Variants in STMN1 observed in about 807,000 individuals in gnomAD.
The protein encoded by STMN1 is stathmin.
A neutral mutation model predicts 19.7 loss-of-function variants in STMN1; 3 were observed. The ratio of observed to expected loss-of-function variants is 0.15; its 90% CI spans 0.07 to 0.39. The LOEUF is 0.39. Among genes scored for constraint, STMN1 ranks in the 10% least tolerant of loss-of-function variants. The pLI, the probability that STMN1 is intolerant of heterozygous loss-of-function variation, is 1.00. For missense variants in STMN1, 99 were observed against 176.0 expected (o/e 0.56, Z 2.48); for synonymous variants, 59 against 58.9 (o/e 1.00, Z -0.01).
At position 25,903,592 on chromosome 1, in the gene STMN1, G is replaced by A. The variant is rs115693925; in HGVS notation, c.186+49C>T. 2.0e-3 allele frequency: 3,270 copies of A among 1,601,502 alleles called. 55 individuals are homozygous for A. The African/African-American group carries it at 0.04, about 19-fold the overall frequency. On this transcript the variant is annotated intron_variant, in intron 3 of 4. Transcript: ENST00000455785. ...CCTGTTATAGAAATAAAATTGATCT[G>A]CCCATTACATAAATTAATATCCTGC...
rs1444230192 is a variant in STMN1 at position 25,903,805 on chromosome 1, C to A, written c.22G>T (p.Val8Leu). The A allele has an allele frequency of 6.2e-7, 1 of 1,603,504 alleles. No homozygotes were observed. The change falls in exon 3 of 5, where the codon GTG (valine) becomes TTG (leucine). Residue 8 changes from valine to leucine, a missense_variant. This residue lies in a region of STMN1 where 37 missense variants were observed against 57.9 expected (regional missense o/e 0.64). Transcript: ENST00000455785. MASSDIQ[V>L]KELEKRASGQ... ...GAGGCACGCTTCTCCAGTTCTTTCA[C>A]CTGGATATCTAGAATTGATTATATT...
Position 25,904,732 on chromosome 1 carries a change from GA to G in STMN1, c.-57del. Reference sequence around the variant, plus strand: ...ATTCTGCACAATCAACTGGGATAAGGAAAGTCCTGAAAATGATTTTCAAAAA... The same window carrying G: ...ATTCTGCACAATCAACTGGGATAAGGAAGTCCTGAAAATGATTTTCAAAAA... On this transcript the variant is annotated 5_prime_UTR_variant, in exon 2 of 5. Coordinates refer to ENST00000455785, the MANE Select transcript of STMN1 (RefSeq NM_005563.4). The G allele has an allele frequency of 1.3e-6, 2 of 1,597,684 alleles. No homozygotes were observed. The highest frequency in any genetic ancestry group is 1.7e-6 in the Non-Finnish European group (2 of 1,174,842).
chr1:25,886,193 G>A (rs887410235), intron 4 of STMN1, among the ~76,000 whole-genome samples: 1 of 152,192 alleles, frequency 6.6e-6, no homozygotes, highest in Admixed American at 6.5e-5. Context: ...AAGGAGGTCA[G>A]GGTACTGGGC....
At chr1:25,899,028 A>G (rs956110920), downstream of STMN1, among the ~76,000 whole-genome samples, 1 of 152,162 alleles carries the variant, frequency 6.6e-6, no homozygotes, top group Admixed American at 6.5e-5. Flanking sequence ...GAAAAGCCAG[A>G]GCTTCTATTT....
At chr1:25,887,109 T>G (rs769987353) in intron 4 of STMN1, among the ~76,000 whole-genome samples, 4 of 152,166 alleles carry the variant, frequency 2.6e-5, no homozygotes, top group African/African-American at 7.2e-5. Flanking sequence ...GTGTGTCTTG[T>G]TCTGTGACTT....
intron 4 of STMN1, among the ~76,000 whole-genome samples, chr1:25,889,846 G>A (rs1209109261): frequency 6.6e-6 from 1 of 152,144 alleles, no homozygotes; most frequent in East Asian, 1.9e-4. Flanking sequence ...ACCTCATCCA[G>A]CCAAGAGGGC....
At position 25,904,702 on chromosome 1, in the gene STMN1, A is replaced by AGT; in HGVS notation, c.-28_-27dup. The AGT allele has an allele frequency of 1.2e-6, 2 of 1,613,032 alleles. No individual in the cohort carries two copies. Among genetic ancestry groups the AGT allele is most frequent in the South Asian group, 2.2e-5 (2 of 90,628 alleles). On this transcript the variant is annotated 5_prime_UTR_variant, in exon 2 of 5. Coordinates refer to ENST00000455785, the MANE Select transcript of STMN1 (RefSeq NM_005563.4). ...GGTGAATAGAAGACAAGCGACAGGCAGTGTATTCTGCACAATCAACTGGGA... is the reference window on the plus strand; with the variant it reads ...GGTGAATAGAAGACAAGCGACAGGCAGTGTGTATTCTGCACAATCAACTGGGA...
At chr1:25,894,808 G>A (rs2048804728) in intron 4 of STMN1, among the ~76,000 whole-genome samples, 1 of 152,192 alleles carries the variant, frequency 6.6e-6, no homozygotes, top group Admixed American at 6.5e-5. Flanking sequence ...CTGGCCTCAA[G>A]TGATCCTCCC....
At chr1:25,892,522 C>T in intron 4 of STMN1, 1 of 985,220 alleles carries the variant, frequency 1.0e-6, no homozygotes, top group African/African-American at 1.7e-5. Context: ...ACCTCAGATT[C>T]CTTCTTTAAA....
chr1:25,894,098 T>C (rs991441472), intron 4 of STMN1, among the ~76,000 whole-genome samples: 3 of 152,152 alleles, frequency 2.0e-5, no homozygotes, highest in African/African-American at 7.2e-5. Flanking sequence ...TGTATTTGTA[T>C]TGAATGGGTA....
chr1:25,890,985 C>T (rs2048769332), intron 4 of STMN1, among the ~76,000 whole-genome samples: 2 of 152,144 alleles, frequency 1.3e-5, no homozygotes, highest in Non-Finnish European at 2.9e-5. Context: ...TCAGTTTCCT[C>T]ATCTATAAAA....
intron 4 of STMN1, chr1:25,888,967 G>A: frequency 2.2e-6 from 1 of 460,576 alleles, no homozygotes. Flanking sequence ...TCCGCTTCTT[G>A]CCATGTCTTC....
At chr1:25,896,210 CCTTA>C (rs1208478992), downstream of STMN1, among the ~76,000 whole-genome samples, 2 of 152,170 alleles carry the variant, frequency 1.3e-5, no homozygotes, top group African/African-American at 2.4e-5. Flanking sequence ...GGTCCAGTTG[CCTTA>C]CTTCTCGCCT....
rs547710396 is a variant in STMN1, at chr1:25,901,743, C to T, written c.187-61G>A. ...AATGTATTCAGGCTGGGTGTGGTGG[C>T]TCACGCCTGTAATCCCAGCACTTTG... On this transcript the variant is annotated intron_variant, in intron 3 of 4. Coordinates refer to ENST00000455785, the MANE Select transcript of STMN1 (RefSeq NM_005563.4). The T allele has an allele frequency of 1.1e-5, 17 of 1,511,878 alleles. No homozygotes were observed. The South Asian group carries it at 2.0e-4, about 17-fold the overall frequency. 93.7% of individuals were successfully genotyped at this position (1,511,878 alleles called of 1,614,324 possible).
intron 2 of STMN1, 77 bp from the exon 3 acceptor site, chr1:25,903,890 C>G (rs558592820): frequency 3.5e-6 from 5 of 1,443,864 alleles, no homozygotes; most frequent in Non-Finnish European, 4.6e-6. Flanking sequence ...TTTTCTAAAA[C>G]CCAAATCAAT....
At chr1:25,893,317 G>C (rs2048792471) in intron 4 of STMN1, among the ~76,000 whole-genome samples, 1 of 152,160 alleles carries the variant, frequency 6.6e-6, no homozygotes, top group African/African-American at 2.4e-5. Flanking sequence ...GCTATACTTT[G>C]ATAGCACTGA....
In STMN1 at chr1:25,900,436, G is replaced by A. The variant is rs2048858379; in HGVS notation, c.*580C>T. On this transcript the variant is annotated 3_prime_UTR_variant, in exon 5 of 5. Transcript: ENST00000455785. The stretch of plus-strand genomic sequence containing the variant: ...AAACCACACTGGGGCAAGAAACGGG[G>A]CAGAGAACGTGCGGTCATTTGTGCG... 1 of 985,860 alleles carries A rather than the reference G, an allele frequency of 1.0e-6. No homozygotes were observed. The highest frequency in any genetic ancestry group is 1.2e-6 in the Non-Finnish European group (1 of 829,970). 61.1% of individuals were successfully genotyped at this position (985,860 alleles called of 1,614,324 possible).
At chr1:25,890,801 C>T (rs2048767333) in intron 4 of STMN1, among the ~76,000 whole-genome samples, 1 of 152,072 alleles carries the variant, frequency 6.6e-6, no homozygotes, top group East Asian at 1.9e-4. Flanking sequence ...GAGTCAGAGA[C>T]CATTTGGAAA....
downstream of STMN1, among the ~76,000 whole-genome samples, chr1:25,895,548 G>T (rs1165653709): frequency 6.6e-6 from 1 of 152,196 alleles, no homozygotes; most frequent in Non-Finnish European, 1.5e-5. Context: ...GGGCCCAAGG[G>T]GATGGAGAGC....
Sources: allele counts gnomAD v4.1 joint callset (sites outside exome capture counted in the v4.1 genomes callset), GRCh38; gene constraint gnomAD v4.1.1; regional missense constraint gnomAD v4.1.1; transcripts MANE v1.5; gene names NCBI Gene and HGNC (gene_info 2026-07-23, HGNC 2026-07-21).